Variants in CNTNAP2 observed in about 807,000 individuals in gnomAD.
The protein encoded by CNTNAP2 is contactin associated protein 2.
A neutral mutation model predicts 155.2 loss-of-function variants in CNTNAP2; 98 were observed. The observed-to-expected ratio is 0.63, with a 90% confidence interval of 0.54 to 0.75. The LOEUF is 0.75. Among genes scored for constraint, CNTNAP2 ranks in the 30% least tolerant of loss-of-function variants. CNTNAP2 has a pLI of 0.00. For synonymous variants in CNTNAP2, 651 were observed against 631.2 expected (o/e 1.03, Z -0.47); for missense variants, 1,727 against 1,688.1 (o/e 1.02, Z -0.40).
At chr7:148,220,335 C>T (rs1562999748) in intron 19 of CNTNAP2, among the ~76,000 whole-genome samples, 1 of 152,188 alleles carries the variant, frequency 6.6e-6, no homozygotes, top group Admixed American at 6.5e-5. Context: ...ATCTCCTGAC[C>T]TCGTGATCCG....
chr7:146,663,254 G>A (rs1800123864), intron 1 of CNTNAP2, among the ~76,000 whole-genome samples: 2 of 118,482 alleles, frequency 1.7e-5, no homozygotes, highest in South Asian at 2.5e-4. Context: ...CTCAGCCTGG[G>A]CAACAAGAGT....
intron 13 of CNTNAP2, among the ~76,000 whole-genome samples, chr7:147,899,701 A>G (rs138886286): frequency 0.033 from 4,977 of 152,198 alleles, 130 homozygotes; most frequent in Non-Finnish European, 0.053. Context: ...CCTGGCCAAC[A>G]TGGTAAAACC....
intron 10 of CNTNAP2, among the ~76,000 whole-genome samples, chr7:147,402,967 A>AC (rs1554480196): frequency 0.038 from 5,612 of 145,780 alleles, 355 homozygotes; most frequent in African/African-American, 0.13. Flanking sequence ...AAAAAAAAAA[A>AC]AAAACTAGTT....
At chr7:146,307,182 A>G (rs1584860106) in intron 1 of CNTNAP2, among the ~76,000 whole-genome samples, 1 of 152,148 alleles carries the variant, frequency 6.6e-6, no homozygotes, top group Non-Finnish European at 1.5e-5. Flanking sequence ...TTACACACCA[A>G]TAACAGACAA....
chr7:148,061,647 A>G (rs9692242), intron 15 of CNTNAP2, among the ~76,000 whole-genome samples: 54,559 of 151,674 alleles, frequency 0.36, 10,170 homozygotes, highest in East Asian at 0.54. Context: ...GAGCCACCAC[A>G]CCCAGCCTTC....
chr7:147,028,934 A>T (rs1798973291), intron 3 of CNTNAP2, among the ~76,000 whole-genome samples: 1 of 151,660 alleles, frequency 6.6e-6, no homozygotes, highest in African/African-American at 2.4e-5. Context: ...CAGATCAAAT[A>T]GACATATGCA....
intron 15 of CNTNAP2, among the ~76,000 whole-genome samples, chr7:148,008,056 A>G (rs1802010916): frequency 6.6e-6 from 1 of 152,178 alleles, no homozygotes; most frequent in African/African-American, 2.4e-5. Context: ...ATCTAATCAC[A>G]TGGATCCTTA....
intron 8 of CNTNAP2, among the ~76,000 whole-genome samples, chr7:147,282,584 T>A (rs1381177355): frequency 1.3e-5 from 2 of 151,852 alleles, no homozygotes; most frequent in Non-Finnish European, 2.9e-5. Context: ...GAGGAAAGCC[T>A]GAGAAAATTT....
chr7:147,217,524 T>G (rs535389781), intron 8 of CNTNAP2, among the ~76,000 whole-genome samples: 62 of 152,126 alleles, frequency 4.1e-4, no homozygotes, highest in African/African-American at 1.5e-3. Flanking sequence ...GTTGTATAAT[T>G]CTTTTTGTAT....
chr7:146,918,858 G>A (rs989773292), intron 3 of CNTNAP2, among the ~76,000 whole-genome samples: 5 of 152,100 alleles, frequency 3.3e-5, no homozygotes, highest in Non-Finnish European at 7.4e-5. Context: ...CAAACTTATT[G>A]GAGGTTTGCT....
At chr7:146,632,519 C>T (rs1256566456) in intron 1 of CNTNAP2, among the ~76,000 whole-genome samples, 1 of 151,926 alleles carries the variant, frequency 6.6e-6, no homozygotes, top group African/African-American at 2.4e-5. Flanking sequence ...AATATACAGA[C>T]TATTGAGATC....
At position 148,266,924 on chromosome 7, in the gene CNTNAP2, A is replaced by G. The variant is rs3801975; in HGVS notation, c.3382-109A>G. On this transcript the variant is annotated intron_variant, in intron 20 of 23. Transcript: ENST00000361727. ...TTAGAGTCAGTGCTGATGAAATAAG[A>G]TATCAGAAAACCAGGGTTCAAAGAG... The G allele has an allele frequency of 0.76, 733,179 of 965,928 alleles. 280,050 individuals are homozygous for G. Among genetic ancestry groups the G allele is most frequent in the South Asian group, 0.87 (67,118 of 77,282 alleles). 59.8% of individuals were successfully genotyped at this position (965,928 alleles called of 1,614,324 possible).
At chr7:146,331,104 A>G (rs1801178306) in intron 1 of CNTNAP2, among the ~76,000 whole-genome samples, 1 of 151,996 alleles carries the variant, frequency 6.6e-6, no homozygotes, top group Non-Finnish European at 1.5e-5. Context: ...GGAGATCGAG[A>G]CCATCCTGGC....
chr7:148,343,458 C>G (rs999297204), intron 21 of CNTNAP2, among the ~76,000 whole-genome samples: 1 of 152,214 alleles, frequency 6.6e-6, no homozygotes, highest in Admixed American at 6.5e-5. Flanking sequence ...TCTTTCCATC[C>G]TTTCCCTTGT....
chr7:148,089,797 G>A (rs1345112943), intron 15 of CNTNAP2, among the ~76,000 whole-genome samples: 30 of 151,572 alleles, frequency 2.0e-4, no homozygotes, highest in Non-Finnish European at 1.5e-5. Flanking sequence ...CCTAAAATTC[G>A]TATGGAACCA....
chr7:146,292,629 A>G (rs1800449783), intron 1 of CNTNAP2, among the ~76,000 whole-genome samples: 1 of 152,216 alleles, frequency 6.6e-6, no homozygotes, highest in Non-Finnish European at 1.5e-5. Flanking sequence ...ATTACTGGGT[A>G]TACTGGGAAC....
intron 10 of CNTNAP2, among the ~76,000 whole-genome samples, chr7:147,463,413 C>T (rs1326467818): frequency 6.6e-6 from 1 of 152,160 alleles, no homozygotes; most frequent in Non-Finnish European, 1.5e-5. Context: ...CATTAAAACA[C>T]ATTTATTGAG....
intron 18 of CNTNAP2, among the ~76,000 whole-genome samples, chr7:148,201,918 T>TTGAC (rs745954769): frequency 1.1e-4 from 16 of 151,856 alleles, no homozygotes; most frequent in Non-Finnish European, 2.1e-4. Flanking sequence ...AGTAAACAAA[T>TTGAC]TGACGCACAC....
At chr7:146,638,247 A>G (rs1279776161) in intron 1 of CNTNAP2, among the ~76,000 whole-genome samples, 1 of 152,146 alleles carries the variant, frequency 6.6e-6, no homozygotes, top group Non-Finnish European at 1.5e-5. Context: ...ATTATTAAGC[A>G]TTAGGAGAAA....
Sources: allele counts gnomAD v4.1 joint callset (sites outside exome capture counted in the v4.1 genomes callset), GRCh38; gene constraint gnomAD v4.1.1; transcripts MANE v1.5; gene names NCBI Gene and HGNC (gene_info 2026-07-23, HGNC 2026-07-21).